The following ZNF343 variants were observed in gnomAD, a reference collection of about 807,000 sequenced individuals.
ZNF343 encodes the protein zinc finger protein 343.
In ZNF343, 11 loss-of-function variants were observed where a neutral mutation model predicts 13.8. That is an observed-to-expected ratio of 0.80 (90% confidence interval 0.50 to 1.32). The LOEUF is 1.32. ZNF343 is among the 40% of genes most tolerant of loss of function. The pLI is 0.00. For synonymous variants in ZNF343, 248 were observed against 260.0 expected (o/e 0.95, Z 0.44); for missense variants, 658 against 714.2 (o/e 0.92, Z 0.90).
intron 1 of ZNF343, among the ~76,000 whole-genome samples, chr20:2,514,779 G>A (rs1165453609): frequency 6.6e-6 from 1 of 152,058 alleles, no homozygotes; most frequent in Non-Finnish European, 1.5e-5. Flanking sequence ...GCCAGGAGTT[G>A]AAGACCAGCC....
upstream of ZNF343, among the ~76,000 whole-genome samples, chr20:2,512,438 A>G (rs1483547352): frequency 2.0e-5 from 3 of 152,226 alleles, no homozygotes; most frequent in African/African-American, 7.2e-5. Flanking sequence ...TTCAGTAATT[A>G]AAACAGTGTG....
chr20:2,489,858 GA>G (rs750940224), intron 5 of ZNF343, among the ~76,000 whole-genome samples: 2 of 151,970 alleles, frequency 1.3e-5, no homozygotes, highest in Non-Finnish European at 2.9e-5. Flanking sequence ...AAGAAAGAGA[GA>G]AAAAGAGACT....
intron 5 of ZNF343, among the ~76,000 whole-genome samples, chr20:2,489,935 T>A (rs6114528): frequency 0.016 from 2,385 of 151,030 alleles, 72 homozygotes; most frequent in African/African-American, 0.054. Context: ...GTGGATTGCT[T>A]AAGCCCAAGA....
chr20:2,521,790 C>G (rs1050184038), intron 1 of ZNF343, among the ~76,000 whole-genome samples: 2 of 152,160 alleles, frequency 1.3e-5, no homozygotes, highest in Non-Finnish European at 2.9e-5. Context: ...AGCTGAAAAT[C>G]TGGACTCAGC....
At chr20:2,490,922 G>A (rs1178286608) in intron 5 of ZNF343, among the ~76,000 whole-genome samples, 2 of 152,200 alleles carry the variant, frequency 1.3e-5, no homozygotes, top group Non-Finnish European at 2.9e-5. Context: ...AATCTACAGT[G>A]ATTTAGATGG....
At position 2,506,033 on chromosome 20, in the gene ZNF343, C is replaced by G. The variant is rs181560023; in HGVS notation, c.-237+2848G>C. 3.2e-3 allele frequency among the ~76,000 whole-genome samples: 491 copies of G among 152,158 alleles called. 4 individuals carry two copies. The highest frequency in any genetic ancestry group is 0.011 in the African/African-American group (472 of 41,520). On this transcript the variant is annotated intron_variant, in intron 1 of 5. Transcript: ENST00000278772. ...CTATACAGAATGGGAGAAAATTTTT[C>G]CAATCTACTCATCTGACAAAGGGCT...
At chr20:2,504,057 C>T (rs978657324) in intron 1 of ZNF343, among the ~76,000 whole-genome samples, 15 of 152,126 alleles carry the variant, frequency 9.9e-5, no homozygotes, top group African/African-American at 3.6e-4. Flanking sequence ...AATTGATAGA[C>T]CGCTAGCAAG....
upstream of ZNF343, among the ~76,000 whole-genome samples, chr20:2,524,862 G>C (rs7266231): frequency 0.1 from 15,868 of 152,182 alleles, 1,728 homozygotes; most frequent in African/African-American, 0.28. Flanking sequence ...CCAAAGTGCT[G>C]GGATCACAGG....
chr20:2,521,558 C>G (rs2085782601), intron 1 of ZNF343, among the ~76,000 whole-genome samples: 1 of 152,144 alleles, frequency 6.6e-6, no homozygotes, highest in African/African-American at 2.4e-5. Context: ...AAGCAGAGAC[C>G]TAGACTCAGG....
At chr20:2,506,513 C>T (rs1480460953) in intron 1 of ZNF343, among the ~76,000 whole-genome samples, 3 of 152,016 alleles carry the variant, frequency 2.0e-5, no homozygotes, top group Non-Finnish European at 4.4e-5. Flanking sequence ...TATTGCGGCA[C>T]TATTCACAAT....
At chr20:2,524,076 T>C (rs1467734053) in intron 1 of ZNF343, among the ~76,000 whole-genome samples, 7 of 151,846 alleles carry the variant, frequency 4.6e-5, no homozygotes, top group African/African-American at 9.7e-5. Flanking sequence ...TCCCATCACT[T>C]TGGGAGGCCT....
intron 5 of ZNF343, among the ~76,000 whole-genome samples, chr20:2,487,150 G>A (rs985061317): frequency 5.3e-5 from 8 of 152,162 alleles, no homozygotes; most frequent in African/African-American, 1.7e-4. Flanking sequence ...ACCTGTGGTC[G>A]TGTTATTATT....
intron 1 of ZNF343, among the ~76,000 whole-genome samples, chr20:2,503,324 C>T (rs1223078397): frequency 1.3e-5 from 2 of 152,112 alleles, no homozygotes; most frequent in African/African-American, 4.8e-5. Context: ...CCTTAGAGAC[C>T]TAGAAAGAGA....
chr20:2,497,671 A>C lies in ZNF343; in HGVS notation c.-150+2985T>G, dbSNP rs532017047. Among the ~76,000 whole-genome samples the C allele has an allele frequency of 4.9e-4, 75 of 152,338 alleles. 4 individuals carry two copies. The South Asian group carries it at 0.015, about 31-fold the overall frequency. ...GAACTGGAGGCAACAAGTATAGACC[A>C]TTCTTTTGGGGAGTTTTGCAATAAA... On this transcript the variant is annotated intron_variant, in intron 2 of 5. Coordinates refer to ENST00000278772, the MANE Select transcript of ZNF343 (RefSeq NM_024325.6).
intron 5 of ZNF343, 76 bp downstream of exon 5, chr20:2,492,623 T>A: frequency 6.5e-7 from 1 of 1,541,482 alleles, no homozygotes; most frequent in Admixed American, 2.1e-5. Context: ...ATCTAGAACA[T>A]TTTTTTGTGG....
rs1365728861 is a variant in ZNF343, at chr20:2,482,120, T to C, written c.*1041A>G. On this transcript the variant is annotated 3_prime_UTR_variant, in exon 6 of 6. Coordinates refer to ENST00000278772, the MANE Select transcript of ZNF343 (RefSeq NM_024325.6). Reference sequence around the variant, plus strand: ...AAGATGAGGTTTAACTTATTGCTAATGTGTTTCACATTTTCCCTCCCCACC... The same window carrying C: ...AAGATGAGGTTTAACTTATTGCTAACGTGTTTCACATTTTCCCTCCCCACC... 6.6e-6 allele frequency: 1 copy of C among 152,176 alleles called. No homozygotes were observed. The highest frequency in any genetic ancestry group is 1.5e-5 in the Non-Finnish European group (1 of 68,026). 9.4% of individuals were successfully genotyped at this position (152,176 alleles called of 1,614,324 possible). A position where few individuals can be genotyped will look rare whatever the true frequency, so the allele number is the denominator to read the frequency against.
intron 2 of ZNF343, among the ~76,000 whole-genome samples, chr20:2,494,493 G>A (rs567891182): frequency 1.3e-5 from 2 of 152,194 alleles, no homozygotes; most frequent in East Asian, 3.9e-4. Flanking sequence ...TCTTGGATGG[G>A]CACAGTGGTT....
At chr20:2,517,493 CTT>C (rs1203026769) in intron 1 of ZNF343, among the ~76,000 whole-genome samples, 1 of 143,886 alleles carries the variant, frequency 6.9e-6, no homozygotes. Context: ...TCCCTCTGGT[CTT>C]TTTTTTTTTT....
chr20:2,485,811 G>A (rs1441462103), intron 5 of ZNF343, among the ~76,000 whole-genome samples: 1 of 152,188 alleles, frequency 6.6e-6, no homozygotes, highest in Non-Finnish European at 1.5e-5. Flanking sequence ...ACTGCCAGAG[G>A]AACACAGCTG....
Sources: gnomAD v4.1 joint callset for allele counts (sites outside exome capture counted in the v4.1 genomes callset) on GRCh38, gnomAD v4.1.1 for gene constraint, MANE v1.5 for transcripts, NCBI Gene and HGNC (gene_info 2026-07-23, HGNC 2026-07-21) for gene names.